SMAD1: variants seen among roughly 807,000 people sequenced by gnomAD.
SMAD1 encodes the protein MAD, mothers against decapentaplegic homolog 1.
Under a neutral mutation model 41.6 loss-of-function variants are expected in SMAD1, and 6 were observed. The ratio of observed to expected loss-of-function variants is 0.14; its 90% CI spans 0.08 to 0.28. The LOEUF (loss-of-function observed/expected upper bound fraction) is 0.28. Among genes scored for constraint, SMAD1 ranks in the 10% least tolerant of loss-of-function variants. The probability of loss-of-function intolerance (pLI) is 1.00; values close to 1 mark genes in which losing one functional copy is unlikely to be tolerated. For missense variants in SMAD1, 379 were observed against 582.6 expected, an observed-to-expected ratio of 0.65 and a Z score of 3.60; for synonymous variants, 206 against 203.2, an observed-to-expected ratio of 1.01 and a Z score of -0.12.
chr4:145,489,212 C>G (rs1728647199), intron 1 of SMAD1, among the ~76,000 whole-genome samples: 1 of 152,180 alleles, frequency 6.6e-6, no homozygotes, highest in Non-Finnish European at 1.5e-5. Flanking sequence ...CCTGCCTGAC[C>G]TCAGTGGGTG....
At chr4:145,492,778 C>T (rs1728844483) in intron 1 of SMAD1, among the ~76,000 whole-genome samples, 1 of 152,206 alleles carries the variant, frequency 6.6e-6, no homozygotes, top group African/African-American at 2.4e-5. Flanking sequence ...TACAAAAAGA[C>T]ATCACTTTGG....
Position 145,511,795 on chromosome 4 carries a change from ATTG to A in SMAD1, c.-176-2637_-176-2635del, listed in dbSNP as rs918789661. ...ATTTTAAACATCACAAGACATTCCT[ATTG>A]TTGTTTTGTGAAGTCAGTATTCATT... is the stretch of plus-strand genomic sequence containing the variant. On this transcript the variant is annotated intron_variant, in intron 1 of 6. Coordinates refer to ENST00000302085, the MANE Select transcript of SMAD1 (RefSeq NM_005900.3). 4.6e-5 allele frequency among the ~76,000 whole-genome samples: 7 copies of A among 152,208 alleles called. No individual in the cohort carries two copies. The South Asian group carries it at 1.2e-3, about 27-fold the overall frequency.
chr4:145,494,655 TTAA>T (rs1045017360), intron 1 of SMAD1, among the ~76,000 whole-genome samples: 2 of 152,212 alleles, frequency 1.3e-5, no homozygotes, highest in African/African-American at 4.8e-5. Flanking sequence ...AAAAATACTG[TTAA>T]TATCCAGCAA....
intron 2 of SMAD1, among the ~76,000 whole-genome samples, chr4:145,536,993 A>G (rs1277928352): frequency 6.6e-6 from 1 of 152,202 alleles, no homozygotes. Context: ...ATTGATAAAC[A>G]GTCTGTAAAA....
intron 2 of SMAD1, among the ~76,000 whole-genome samples, chr4:145,531,908 C>G (rs1205906953): frequency 2.0e-5 from 3 of 151,946 alleles, no homozygotes; most frequent in Non-Finnish European, 4.4e-5. Context: ...AAGCTGCTTT[C>G]TCACGAACAT....
chr4:145,489,523 G>T (rs1449005133), intron 1 of SMAD1, among the ~76,000 whole-genome samples: 1 of 152,158 alleles, frequency 6.6e-6, no homozygotes, highest in Non-Finnish European at 1.5e-5. Flanking sequence ...TGATTATGTG[G>T]CTATAAAGTA....
At chr4:145,524,038 T>C (rs1204680659) in intron 2 of SMAD1, among the ~76,000 whole-genome samples, 1 of 152,186 alleles carries the variant, frequency 6.6e-6, no homozygotes, top group Non-Finnish European at 1.5e-5. Context: ...GTTCTGGGAT[T>C]ACAGGCATGA....
chr4:145,530,526 G>C (rs1005636300), intron 2 of SMAD1, among the ~76,000 whole-genome samples: 1 of 152,150 alleles, frequency 6.6e-6, no homozygotes, highest in Non-Finnish European at 1.5e-5. Context: ...CAGAAGTTGA[G>C]TTAGATTTAG....
chr4:145,522,772 C>T (rs539798145), intron 2 of SMAD1, among the ~76,000 whole-genome samples: 12 of 151,742 alleles, frequency 7.9e-5, no homozygotes, highest in South Asian at 2.1e-4. Flanking sequence ...CTCTGCCTCC[C>T]GGGTTCAAAC....
rs552163593 is a variant in SMAD1 at position 145,558,136 on chromosome 4, T to C, written c.*202T>C. The stretch of plus-strand genomic sequence containing the variant: ...ACATACTGTTGATATCAAGAACCTG[T>C]TTAGTTTACATTGTAACATTCTATT... On this transcript the variant is annotated 3_prime_UTR_variant, in exon 7 of 7. Coordinates refer to ENST00000302085, the MANE Select transcript of SMAD1 (RefSeq NM_005900.3). The C allele has an allele frequency of 1.2e-4, 46 of 395,934 alleles. No individual in the cohort carries two copies. The highest frequency in any genetic ancestry group is 7.0e-4 in the African/African-American group (34 of 48,884). 24.5% of individuals were successfully genotyped at this position (395,934 alleles called of 1,614,324 possible). A position where few individuals can be genotyped will look rare whatever the true frequency, so the allele number is the denominator to read the frequency against.
intron 1 of SMAD1, among the ~76,000 whole-genome samples, chr4:145,499,945 G>A (rs560327467): frequency 2.0e-5 from 3 of 152,000 alleles, no homozygotes; most frequent in South Asian, 2.1e-4. Context: ...AAAAAATCTC[G>A]CTCAGTCTTA....
chr4:145,539,215 A>C (rs1373022478), intron 2 of SMAD1, among the ~76,000 whole-genome samples: 2 of 152,140 alleles, frequency 1.3e-5, no homozygotes, highest in Non-Finnish European at 2.9e-5. Context: ...ATACAAGATA[A>C]ATTCTGTCCC....
chr4:145,531,061 T>C (rs1381320106), intron 2 of SMAD1, among the ~76,000 whole-genome samples: 1 of 152,226 alleles, frequency 6.6e-6, no homozygotes, highest in African/African-American at 2.4e-5. Context: ...GTGAACCTTA[T>C]ATTATAGACC....
intron 2 of SMAD1, among the ~76,000 whole-genome samples, chr4:145,530,092 A>G (rs910685612): frequency 1.3e-5 from 2 of 152,236 alleles, no homozygotes; most frequent in Admixed American, 6.5e-5. Flanking sequence ...ACTGGCACCT[A>G]TTTCCTTTCA....
chr4:145,487,056 A>G (rs965096615), intron 1 of SMAD1, among the ~76,000 whole-genome samples: 5 of 152,168 alleles, frequency 3.3e-5, no homozygotes, highest in South Asian at 4.1e-4. Context: ...CCAGAGAGAA[A>G]TGCTTATTTT....
chr4:145,533,217 C>T (rs1041577659), intron 2 of SMAD1, among the ~76,000 whole-genome samples: 1 of 152,202 alleles, frequency 6.6e-6, no homozygotes, highest in Non-Finnish European at 1.5e-5. Context: ...CTGTTCCAGA[C>T]CTGTCTCTTT....
At chr4:145,527,441 T>G (rs1297041059) in intron 2 of SMAD1, among the ~76,000 whole-genome samples, 3 of 152,080 alleles carry the variant, frequency 2.0e-5, no homozygotes, top group Non-Finnish European at 4.4e-5. Flanking sequence ...GCCGGGATGG[T>G]CTCGATCTCC....
At chr4:145,550,040 GA>G (rs1048257587) in intron 5 of SMAD1, among the ~76,000 whole-genome samples, 3 of 152,058 alleles carry the variant, frequency 2.0e-5, no homozygotes, top group African/African-American at 7.2e-5. Context: ...ACATTATTAA[GA>G]AAATAAAGAA....
intron 1 of SMAD1, among the ~76,000 whole-genome samples, chr4:145,507,609 A>G (rs1430057197): frequency 2.0e-5 from 3 of 151,588 alleles, no homozygotes. Context: ...TTCTGAAGAT[A>G]AAGTTGCTGG....
Sources: gnomAD v4.1 joint callset for allele counts (sites outside exome capture counted in the v4.1 genomes callset) on GRCh38, gnomAD v4.1.1 for gene constraint, MANE v1.5 for transcripts, NCBI Gene and HGNC (gene_info 2026-07-23, HGNC 2026-07-21) for gene names.